The following LY75 variants were observed in gnomAD, a reference collection of about 807,000 sequenced individuals.
The protein encoded by LY75 is lymphocyte antigen 75.
A neutral mutation model predicts 231.7 loss-of-function variants in LY75; 185 were observed. The observed-to-expected ratio is 0.80, with a 90% confidence interval of 0.71 to 0.90. The LOEUF (loss-of-function observed/expected upper bound fraction) is 0.90. Among genes scored for constraint, LY75 ranks in the 40% least tolerant of loss-of-function variants. The pLI, the probability that LY75 is intolerant of heterozygous loss-of-function variation, is 0.00. For missense variants in LY75, 1,947 were observed against 2,050.2 expected (o/e 0.95, Z 0.97); for synonymous variants, 668 against 689.0 (o/e 0.97, Z 0.48).
At chr2:159,840,992 T>C in intron 24 of LY75, 37 bp from the exon 25 acceptor site, 1 of 1,603,718 alleles carries the variant, frequency 6.2e-7, no homozygotes, top group East Asian at 2.2e-5. Flanking sequence ...CAACAAACCC[T>C]TCCCCACACT....
Position 159,864,856 on chromosome 2 carries a change from A to G in LY75, c.2182T>C (p.Trp728Arg), listed in dbSNP as rs781399633. The change falls in exon 14 of 35, where the codon TGG becomes CGG. Residue 728 changes from tryptophan (W) to arginine (R), a missense_variant. Trp to Arg is a moderately radical substitution (Grantham distance 101). Transcript: ENST00000263636. ...TAACTTACTGGTGTACGATCACTCC[A>G]TTGCCAGGATCCTTGTAAATCTGGG... is the stretch of plus-strand genomic sequence containing the variant. ...RSPDLQGSWQ[W>R]SDRTPVSTII... The G allele has an allele frequency of 1.9e-6, 3 of 1,603,854 alleles. No homozygotes were observed. The highest frequency in any genetic ancestry group is 2.6e-6 in the Non-Finnish European group (3 of 1,175,272).
intron 23 of LY75, among the ~76,000 whole-genome samples, chr2:159,847,707 G>A (rs574041063): frequency 2.0e-5 from 3 of 152,128 alleles, no homozygotes; most frequent in Non-Finnish European, 4.4e-5. Flanking sequence ...TTAATAATAT[G>A]CTGGTGAGGA....
Position 159,885,307 on chromosome 2 carries a change from A to G in LY75, c.914-14T>C, listed in dbSNP as rs374794186. ...CACTGGGCCTGTCTTAAAAGGGAAC[A>G]TTTTTCAAAGCATTAGAATGAGAAA... is the stretch of plus-strand genomic sequence containing the variant. On this transcript the variant is annotated splice_polypyrimidine_tract_variant and intron_variant, in intron 5 of 34. Coordinates refer to ENST00000263636, the MANE Select transcript of LY75 (RefSeq NM_002349.4). 3.1e-6 allele frequency: 5 copies of G among 1,609,128 alleles called. No homozygotes were observed. The highest frequency in any genetic ancestry group is 4.2e-6 in the Non-Finnish European group (5 of 1,177,460).
intron 32 of LY75, among the ~76,000 whole-genome samples, chr2:159,809,315 A>C (rs1162717377): frequency 6.6e-6 from 1 of 152,254 alleles, no homozygotes; most frequent in Non-Finnish European, 1.5e-5. Context: ...GTCACGGGAA[A>C]GAGCCAATCA....
chr2:159,869,825 T>C (rs148376959), intron 13 of LY75, among the ~76,000 whole-genome samples: 2 of 152,222 alleles, frequency 1.3e-5, no homozygotes, highest in Admixed American at 6.6e-5. Context: ...AATGTTTGCA[T>C]AGCAAATGTC....
rs1458415271 is a variant in LY75 at position 159,874,540 on chromosome 2, A to AAG, written c.1974+903_1974+904insCT. 4.4e-3 allele frequency among the ~76,000 whole-genome samples: 289 copies of AAG among 65,126 alleles called. 53 individuals are homozygous for AAG. The highest frequency in any genetic ancestry group is 0.012 in the South Asian group (15 of 1,300). 42.7% of individuals were successfully genotyped at this position (65,126 alleles called of 152,430 possible). On this transcript the variant is annotated intron_variant, in intron 12 of 34. Coordinates refer to ENST00000263636, the MANE Select transcript of LY75 (RefSeq NM_002349.4). ...TGTACATATTTTGTAAATCTATATA[A>AAG]ATATGTACATATTTTGTAAATCTAT...
Position 159,835,643 on chromosome 2 carries a change from A to G in LY75, c.3510T>C (p.Asp1170=), listed in dbSNP as rs760912786. Residue 1170 remains aspartate (D), a splice_region_variant and synonymous_variant, in exon 26 of 35, where the codon GAT becomes GAC. Coordinates refer to ENST00000263636, the MANE Select transcript of LY75 (RefSeq NM_002349.4). ...CATCTGACCAACCAAAGTTGAGTTC[A>G]TCCTGTAAGGAGCAGAAGTACATTT... is the stretch of plus-strand genomic sequence containing the variant. The part of the protein sequence containing the change: ...SLWIGLFSQD[D]ELNFGWSDGK... 1.2e-5 allele frequency: 20 copies of G among 1,613,098 alleles called. No homozygotes were observed. Among genetic ancestry groups the G allele is most frequent in the Admixed American group, 1.7e-5 (1 of 59,858 alleles).
At chr2:159,808,197 A>G in intron 33 of LY75, 1 of 875,038 alleles carries the variant, frequency 1.1e-6, no homozygotes, top group African/African-American at 1.8e-5. Context: ...GGATCCCAGA[A>G]ATAAGCCTCT....
Position 159,816,692 on chromosome 2 carries a change from C to T in LY75, c.4380+114G>A, listed in dbSNP as rs1160599846. ...GTAAGAAAGCACCATGCTATGCAAG[C>T]GGAGTCCCAGTACTTCATCTAATGT... On this transcript the variant is annotated intron_variant, in intron 30 of 34. Transcript: ENST00000263636. 13 of 1,424,970 alleles carry T rather than the reference C, an allele frequency of 9.1e-6. 1 individual carries two copies. Among genetic ancestry groups the T allele is most frequent in the African/African-American group, 4.3e-5 (3 of 70,338 alleles). The allele number at this position is 1,424,970 out of a possible 1,614,324, so 88.3% of individuals were successfully genotyped here.
chr2:159,853,255 A>G lies in LY75; in HGVS notation c.2743+18T>C. The G allele has an allele frequency of 6.2e-7, 1 of 1,608,340 alleles. No homozygotes were observed. Among genetic ancestry groups the G allele is most frequent in the Non-Finnish European group, 8.5e-7 (1 of 1,175,698 alleles). On this transcript the variant is annotated intron_variant, in intron 20 of 34. Coordinates refer to ENST00000263636, the MANE Select transcript of LY75 (RefSeq NM_002349.4). ...CATATTACATAATCAGCATTAAAGG[A>G]TTTAGAATTAACTTTACCGATAAGC...
chr2:159,826,622 G>A (rs1333216932), intron 28 of LY75, among the ~76,000 whole-genome samples: 2 of 152,032 alleles, frequency 1.3e-5, no homozygotes, highest in Non-Finnish European at 2.9e-5. Flanking sequence ...ACTTCATATG[G>A]AACCAAAAAA....
chr2:159,864,998 C>G, intron 13 of LY75, 78 bp from the exon 14 acceptor site: 2 of 1,291,876 alleles, frequency 1.5e-6, no homozygotes, highest in Non-Finnish European at 2.1e-6. Context: ...TAATGTGCAT[C>G]ACTAATTGAA....
At chr2:159,818,810 TAAAG>T (rs1465595317) in intron 29 of LY75, among the ~76,000 whole-genome samples, 2 of 131,746 alleles carry the variant, frequency 1.5e-5, no homozygotes, top group Non-Finnish European at 1.8e-5. Context: ...GTAAAAAAAA[TAAAG>T]AAAGAAAGAA....
intron 11 of LY75, among the ~76,000 whole-genome samples, chr2:159,876,303 T>C (rs1158899054): frequency 6.6e-6 from 1 of 152,194 alleles, no homozygotes; most frequent in Non-Finnish European, 1.5e-5. Flanking sequence ...ACCAGATTTG[T>C]CTGACAAAAC....
In LY75 at chr2:159,858,485, G is replaced by A; in HGVS notation, c.2269-9C>T. ...CATGGCCTATGAAATACCTATAAGA[G>A]GAAAAGTATTGCAGAATATTTTGAA... is the stretch of plus-strand genomic sequence containing the variant. On this transcript the variant is annotated splice_polypyrimidine_tract_variant and intron_variant, in intron 15 of 34. Transcript: ENST00000263636. 6.2e-7 allele frequency: 1 copy of A among 1,603,336 alleles called. No individual in the cohort carries two copies. Among genetic ancestry groups the A allele is most frequent in the African/African-American group, 1.3e-5 (1 of 74,428 alleles).
intron 1 of LY75, chr2:159,902,302 G>C (rs546065723): frequency 6.6e-6 from 1 of 152,142 alleles, no homozygotes; most frequent in Admixed American, 6.5e-5. Flanking sequence ...GATGCATTTT[G>C]TATATGCTTC....
intron 21 of LY75, among the ~76,000 whole-genome samples, chr2:159,850,791 T>TTATATATATATATATATATATATAA (rs1684369993): frequency 1.1e-5 from 1 of 94,510 alleles, no homozygotes; most frequent in Non-Finnish European, 2.3e-5. Context: ...TATATATATA[T>TTATATATATATATATATATATATAA]ATATATATTA....
chr2:159,870,236 G>A (rs76079130), intron 13 of LY75, among the ~76,000 whole-genome samples: 5,177 of 152,160 alleles, frequency 0.034, 273 homozygotes, highest in African/African-American at 0.12. Flanking sequence ...TGAATCGCTT[G>A]AGCCAGGAAT....
chr2:159,862,872 C>T (rs1164503921), intron 14 of LY75, among the ~76,000 whole-genome samples: 2 of 152,098 alleles, frequency 1.3e-5, no homozygotes, highest in Admixed American at 1.3e-4. Flanking sequence ...CTATAACCAA[C>T]TTGTTGTACA....
Sources: allele counts gnomAD v4.1 joint callset (sites outside exome capture counted in the v4.1 genomes callset), GRCh38; gene constraint gnomAD v4.1.1; transcripts MANE v1.5; gene names NCBI Gene and HGNC (gene_info 2026-07-23, HGNC 2026-07-21).